The following IKZF1 variants were observed in gnomAD, a reference collection of about 807,000 sequenced individuals.
IKZF1 encodes the protein IKAROS family zinc finger 1, also known as DNA-binding protein Ikaros.
In IKZF1, 10 loss-of-function variants were observed where a neutral mutation model predicts 51.7. That is an observed-to-expected ratio of 0.19 (90% CI 0.12 to 0.33). The LOEUF (loss-of-function observed/expected upper bound fraction) is 0.33. IKZF1 is among the 10% of genes least tolerant of loss of function. IKZF1 has a pLI of 1.00. For synonymous variants in IKZF1, 280 were observed against 282.3 expected, an observed-to-expected ratio of 0.99 and a Z score of 0.08; for missense variants, 484 against 707.5, an observed-to-expected ratio of 0.68 and a Z score of 3.58.
chr7:50,319,123 G>C (rs753074777), intron 2 of IKZF1, 22 bp downstream of exon 2: 2 of 1,611,162 alleles, frequency 1.2e-6, no homozygotes, highest in East Asian at 4.5e-5. Flanking sequence ...TGAGATAGCT[G>C]TGTGGGAAGT....
At chr7:50,324,158 A>C (rs1395630786) in intron 2 of IKZF1, among the ~76,000 whole-genome samples, 1 of 152,218 alleles carries the variant, frequency 6.6e-6, no homozygotes, top group Non-Finnish European at 1.5e-5. Context: ...ATCAGTGCAT[A>C]AAAATACTGT....
chr7:50,344,209 T>G (rs1348765606), intron 3 of IKZF1, among the ~76,000 whole-genome samples: 2 of 152,240 alleles, frequency 1.3e-5, no homozygotes, highest in East Asian at 1.9e-4. Context: ...TATTTTTTCC[T>G]AAGTATATGA....
intron 6 of IKZF1, among the ~76,000 whole-genome samples, chr7:50,391,080 A>G (rs1036796562): frequency 2.6e-5 from 4 of 152,232 alleles, no homozygotes; most frequent in Non-Finnish European, 5.9e-5. Flanking sequence ...TGTATCTTCA[A>G]TTATGGAAAG....
Position 50,355,527 on chromosome 7 carries a change from G to C in IKZF1, c.161-21006G>C, listed in dbSNP as rs138861710. ...GGAAACCCTGTGCCCACTGGGCTGC[G>C]TGCTAAGAGGCTGTGGCCAATGCTC... On this transcript the variant is annotated intron_variant, in intron 3 of 7. Transcript: ENST00000331340. Among the ~76,000 whole-genome samples the C allele has an allele frequency of 1.4e-3, 217 of 152,246 alleles. 1 individual carries two copies. The highest frequency in any genetic ancestry group is 0.014 in the Middle Eastern group (4 of 294).
At chr7:50,323,365 G>A (rs1330536669) in intron 2 of IKZF1, among the ~76,000 whole-genome samples, 3 of 152,150 alleles carry the variant, frequency 2.0e-5, no homozygotes, top group Non-Finnish European at 4.4e-5. Flanking sequence ...TTTTGAGCTT[G>A]TATTTACCCA....
At chr7:50,364,530 G>T (rs1806244506) in intron 3 of IKZF1, among the ~76,000 whole-genome samples, 1 of 152,200 alleles carries the variant, frequency 6.6e-6, no homozygotes, top group South Asian at 2.1e-4. Flanking sequence ...AGGGTTGAGA[G>T]GTAATCACTG....
At chr7:50,374,702 G>C (rs1809724945) in intron 3 of IKZF1, among the ~76,000 whole-genome samples, 1 of 152,204 alleles carries the variant, frequency 6.6e-6, no homozygotes, top group African/African-American at 2.4e-5. Context: ...CTTCTTGTCT[G>C]TCAGTGTTAG....
chr7:50,347,857 G>C (rs74820000), intron 3 of IKZF1, among the ~76,000 whole-genome samples: 1 of 152,264 alleles, frequency 6.6e-6, no homozygotes, highest in East Asian at 1.9e-4. Context: ...AGTGTGCTTC[G>C]TGAGAATAGG....
Position 50,376,853 on chromosome 7 carries a change from A to C in IKZF1, c.421+60A>C. 6.3e-7 allele frequency: 1 copy of C among 1,589,338 alleles called. No homozygotes were observed. Among genetic ancestry groups the C allele is most frequent in the Non-Finnish European group, 8.6e-7 (1 of 1,166,582 alleles). The stretch of plus-strand genomic sequence containing the variant: ...GGAGAAGGTGCATGGGGTTTGAAGG[A>C]GGAAAGCATCCTGTCTTCCTTGTGT... On this transcript the variant is annotated intron_variant, in intron 4 of 7. Transcript: ENST00000331340. This position sits in a 1 kb window ranked among gnomAD's most constrained non-coding sequence, Gnocchi z 4.5.
At chr7:50,325,467 A>G (rs7458084) in intron 2 of IKZF1, among the ~76,000 whole-genome samples, 43,137 of 151,890 alleles carry the variant, frequency 0.28, 6,544 homozygotes, top group African/African-American at 0.37. Flanking sequence ...TTTAGCAATT[A>G]TTACTTTAAA....
chr7:50,367,808 G>A (rs1220953534), intron 3 of IKZF1: 2 of 564,914 alleles, frequency 3.5e-6, no homozygotes, highest in South Asian at 2.1e-5. Flanking sequence ...TGACACCTGA[G>A]GGGATTGTGG....
chr7:50,346,724 C>T (rs548551562), intron 3 of IKZF1, among the ~76,000 whole-genome samples: 370 of 152,328 alleles, frequency 2.4e-3, no homozygotes, highest in Non-Finnish European at 4.1e-3. Flanking sequence ...TACCTTCCCC[C>T]TCAGGGCATA....
In IKZF1 at chr7:50,404,890, G is replaced by A. The variant is rs940280801; in HGVS notation, c.*4263G>A. On this transcript the variant is annotated 3_prime_UTR_variant, in exon 8 of 8. Coordinates refer to ENST00000331340, the MANE Select transcript of IKZF1 (RefSeq NM_006060.6). Reference sequence around the variant, plus strand: ...CTTTTCTGATCTCCTGGAAACAGCTGCCTGCCTGCATTGCACTTCTCTTCC... The same window carrying A: ...CTTTTCTGATCTCCTGGAAACAGCTACCTGCCTGCATTGCACTTCTCTTCC... 12 of 218,282 alleles carry A rather than the reference G, an allele frequency of 5.5e-5. No homozygotes were observed. The South Asian group carries it at 1.8e-3, about 34-fold the overall frequency. The allele number at this position is 218,282 out of a possible 1,614,324, so 13.5% of individuals were successfully genotyped here. A position where few individuals can be genotyped will look rare whatever the true frequency, so the allele number is the denominator to read the frequency against.
intron 2 of IKZF1, among the ~76,000 whole-genome samples, chr7:50,324,257 G>T (rs551303499): frequency 5.3e-5 from 8 of 152,264 alleles, no homozygotes; most frequent in African/African-American, 1.4e-4. Flanking sequence ...GGGTACAGAG[G>T]CTCACGTGAG....
At chr7:50,343,241 C>T (rs1215132813) in intron 3 of IKZF1, among the ~76,000 whole-genome samples, 8 of 139,718 alleles carry the variant, frequency 5.7e-5, no homozygotes, top group African/African-American at 8.0e-5. Context: ...CCCTCCCTTC[C>T]TCCTTTTTCT....
intron 3 of IKZF1, among the ~76,000 whole-genome samples, chr7:50,354,300 G>T (rs966959654): frequency 7.9e-5 from 12 of 152,252 alleles, no homozygotes; most frequent in Admixed American, 5.2e-4. Context: ...GGTTACTGCT[G>T]TGGGTGCCCG....
At chr7:50,330,616 C>T (rs1161928141) in intron 3 of IKZF1, among the ~76,000 whole-genome samples, 1 of 152,150 alleles carries the variant, frequency 6.6e-6, no homozygotes, top group African/African-American at 2.4e-5. Context: ...AACCAGCCAG[C>T]TTTCATATGT....
intron 3 of IKZF1, among the ~76,000 whole-genome samples, chr7:50,339,215 T>TTGTGTG (rs1158908841): frequency 0.25 from 31,704 of 126,126 alleles, 4,211 homozygotes; most frequent in Non-Finnish European, 0.31. Flanking sequence ...TTGGGTAGGG[T>TTGTGTG]TGTGTGTGTG....
chr7:50,354,670 A>G (rs1375883436), intron 3 of IKZF1, among the ~76,000 whole-genome samples: 1 of 152,120 alleles, frequency 6.6e-6, no homozygotes, highest in African/African-American at 2.4e-5. Context: ...CGGGTCTTCC[A>G]TTACCCTCTC....
Sources: allele counts gnomAD v4.1 joint callset (sites outside exome capture counted in the v4.1 genomes callset), GRCh38; gene constraint gnomAD v4.1.1; non-coding constraint Gnocchi (gnomAD v3.1); transcripts MANE v1.5; gene names NCBI Gene and HGNC (gene_info 2026-07-23, HGNC 2026-07-21).